BIRC5: variants seen among roughly 807,000 people sequenced by gnomAD.
The protein encoded by BIRC5 is baculoviral IAP repeat-containing protein 5.
Under a neutral mutation model 15.8 loss-of-function variants are expected in BIRC5, and 8 were observed. The ratio of observed to expected loss-of-function variants is 0.51; its 90% CI spans 0.30 to 0.91. The LOEUF (loss-of-function observed/expected upper bound fraction) is 0.91, where lower values mean the gene tolerates loss of function less well. BIRC5 is among the 40% of genes least tolerant of loss of function. BIRC5 has a pLI of 0.07. For synonymous variants in BIRC5, 56 were observed against 64.5 expected, an observed-to-expected ratio of 0.87 and a Z score of 0.63; for missense variants, 163 against 178.6, an observed-to-expected ratio of 0.91 and a Z score of 0.50.
intron 1 of BIRC5, 52 bp from the exon 2 acceptor site, chr17:78,214,628 C>T (rs776366364): frequency 2.7e-5 from 40 of 1,507,372 alleles, no homozygotes; most frequent in Middle Eastern, 2.3e-4. Flanking sequence ...GTGGCTGGGC[C>T]TCGGGGTTCC....
At chr17:78,220,565 G>A (rs2145898915) in intron 3 of BIRC5, among the ~76,000 whole-genome samples, 1 of 152,326 alleles carries the variant, frequency 6.6e-6, no homozygotes, top group African/African-American at 2.4e-5. Context: ...TGGAAAGAGG[G>A]GAGACATTAC....
chr17:78,220,178 C>A (rs17882776), intron 3 of BIRC5, among the ~76,000 whole-genome samples: 3,035 of 152,248 alleles, frequency 0.02, 186 homozygotes, highest in East Asian at 0.15. Flanking sequence ...CCTGTAATCC[C>A]AGCACTTTGG....
intron 3 of BIRC5, among the ~76,000 whole-genome samples, chr17:78,221,298 C>T (rs569730240): frequency 1.3e-5 from 2 of 152,266 alleles, no homozygotes; most frequent in African/African-American, 4.8e-5. Context: ...GTTGCTCAGG[C>T]TGGAGTACAG....
chr17:78,222,719 C>G, intron 3 of BIRC5: 1 of 1,396,210 alleles, frequency 7.2e-7, no homozygotes, highest in Non-Finnish European at 9.5e-7. Context: ...AAATTTAACC[C>G]AATAAAGGTC....
chr17:78,216,861 T>G, intron 3 of BIRC5, 80 bp downstream of exon 3: 13 of 1,080,216 alleles, frequency 1.2e-5, no homozygotes, highest in Non-Finnish European at 1.6e-5. Context: ...AAAGGGACTC[T>G]GTGTTTTCCT....
rs928110233 is a variant in BIRC5, at chr17:78,214,263, A to G, written c.-54A>G. 2.6e-6 allele frequency: 4 copies of G among 1,518,640 alleles called. No individual in the cohort carries two copies. The highest frequency in any genetic ancestry group is 3.6e-6 in the Non-Finnish European group (4 of 1,116,224). The allele number at this position is 1,518,640 out of a possible 1,614,324, so 94.1% of individuals were successfully genotyped here. Reference sequence around the variant, plus strand: ...CTCCCGACATGCCCCGCGGCGCGCCATTAACCGCCAGATTTGAATCGCGGG... The same window carrying G: ...CTCCCGACATGCCCCGCGGCGCGCCGTTAACCGCCAGATTTGAATCGCGGG... On this transcript the variant is annotated 5_prime_UTR_variant, in exon 1 of 4. Coordinates refer to ENST00000350051, the MANE Select transcript of BIRC5 (RefSeq NM_001168.3).
chr17:78,217,168 A>G (rs1348589081), intron 3 of BIRC5, among the ~76,000 whole-genome samples: 5 of 143,786 alleles, frequency 3.5e-5, no homozygotes, highest in East Asian at 2.0e-4. Flanking sequence ...GTGAACCACC[A>G]CGCCTGGCTT....
chr17:78,223,036 G>A, intron 3 of BIRC5: 2 of 1,146,548 alleles, frequency 1.7e-6, no homozygotes, highest in Non-Finnish European at 2.2e-6. Context: ...GACTAGCTGG[G>A]GTGCCTAGAC....
chr17:78,214,912 G>A lies in BIRC5; in HGVS notation c.221+123G>A, dbSNP rs968360761. On this transcript the variant is annotated intron_variant, in intron 2 of 3. Coordinates refer to ENST00000350051, the MANE Select transcript of BIRC5 (RefSeq NM_001168.3). ...CACCCTCATTGCTTCTTAAACAGCT[G>A]TTGTGAACGGATACCTCTCTATATG... 10 of 872,406 alleles carry A rather than the reference G, an allele frequency of 1.1e-5. No individual in the cohort carries two copies. The African/African-American group carries it at 1.2e-4, about 10-fold the overall frequency. The allele number at this position is 872,406 out of a possible 1,614,324, so 54.0% of individuals were successfully genotyped here.
intron 3 of BIRC5, chr17:78,222,887 G>A: frequency 6.5e-7 from 1 of 1,536,024 alleles, no homozygotes; most frequent in South Asian, 1.2e-5. Context: ...GGGACTGGAA[G>A]CAAAAGAATT....
intron 3 of BIRC5, 133 bp from the exon 4 acceptor site, chr17:78,223,332 G>A: frequency 1.2e-6 from 1 of 843,850 alleles, no homozygotes; most frequent in Non-Finnish European, 1.8e-6. Flanking sequence ...CTGGGAATCT[G>A]CCTAGCCCAG....
chr17:78,217,613 C>G (rs2076488457), intron 3 of BIRC5, among the ~76,000 whole-genome samples: 1 of 152,254 alleles, frequency 6.6e-6, no homozygotes, highest in East Asian at 1.9e-4. Context: ...TCTCCTGCCT[C>G]AGCCTCCCGA....
intron 1 of BIRC5, 48 bp downstream of exon 1, chr17:78,214,475 T>C (rs567991073): frequency 6.8e-7 from 1 of 1,472,728 alleles, no homozygotes; most frequent in Non-Finnish European, 9.1e-7. Context: ...CCTTGCCCTG[T>C]CCCTAGCGAG....
Position 78,223,787 on chromosome 17 carries a change from TC to T in BIRC5, c.*234del. The T allele has an allele frequency of 6.4e-6, 6 of 937,984 alleles. No individual in the cohort carries two copies. Among genetic ancestry groups the T allele is most frequent in the East Asian group, 3.0e-5 (1 of 33,578 alleles). The allele number at this position is 937,984 out of a possible 1,614,324, so 58.1% of individuals were successfully genotyped here. ...AACAGTGGCTGCTTCTCTCTCTCTC[TC>T]TCTTTTTTGGGGGCTCATTTTTGCT... On this transcript the variant is annotated 3_prime_UTR_variant, in exon 4 of 4. Coordinates refer to ENST00000350051, the MANE Select transcript of BIRC5 (RefSeq NM_001168.3).
At position 78,214,258 on chromosome 17, in the gene BIRC5, G is replaced by A; in HGVS notation, c.-59G>A. The A allele has an allele frequency of 3.4e-6, 5 of 1,476,516 alleles. No individual in the cohort carries two copies. The highest frequency in any genetic ancestry group is 4.6e-6 in the Non-Finnish European group (5 of 1,083,138). The allele number at this position is 1,476,516 out of a possible 1,614,324, so 91.5% of individuals were successfully genotyped here. A position where few individuals can be genotyped will look rare whatever the true frequency, so the allele number is the denominator to read the frequency against. On this transcript the variant is annotated 5_prime_UTR_variant, in exon 1 of 4. Transcript: ENST00000350051. ...GTGCGCTCCCGACATGCCCCGCGGC[G>A]CGCCATTAACCGCCAGATTTGAATC...
At chr17:78,215,958 C>T (rs2076474440) in intron 2 of BIRC5, 1 of 1,065,890 alleles carries the variant, frequency 9.4e-7, no homozygotes, top group Non-Finnish European at 1.2e-6. Context: ...TGCCCTTAAT[C>T]CTTACAGTGG....
chr17:78,224,671 C>T lies in BIRC5; in HGVS notation c.*1117C>T, dbSNP rs1204719700. 1 of 152,242 alleles carries T rather than the reference C, an allele frequency of 6.6e-6. No individual in the cohort carries two copies. Among genetic ancestry groups the T allele is most frequent in the Non-Finnish European group, 1.5e-5 (1 of 68,050 alleles). 9.4% of individuals were successfully genotyped at this position (152,242 alleles called of 1,614,324 possible). A position where few individuals can be genotyped will look rare whatever the true frequency, so the allele number is the denominator to read the frequency against. On this transcript the variant is annotated 3_prime_UTR_variant, in exon 4 of 4. Transcript: ENST00000350051. ...CCTCTGGAGGTCATCTCGGCTGTTC[C>T]TGAGAAATAAAAAGCCTGTCATTTC...
intron 2 of BIRC5, among the ~76,000 whole-genome samples, chr17:78,215,403 C>T (rs961640577): frequency 1.3e-5 from 2 of 150,066 alleles, no homozygotes; most frequent in South Asian, 2.1e-4. Context: ...GGCGACAGAG[C>T]GAGACTCCGT....
chr17:78,214,670 T>A lies in BIRC5; in HGVS notation c.112-10T>A, dbSNP rs751043509. 1 of 1,594,088 alleles carries A rather than the reference T, an allele frequency of 6.3e-7. No individual in the cohort carries two copies. Among genetic ancestry groups the A allele is most frequent in the South Asian group, 1.1e-5 (1 of 88,338 alleles). On this transcript the variant is annotated splice_polypyrimidine_tract_variant and intron_variant, in intron 1 of 3. Transcript: ENST00000350051. ...CCACGTCCACTCACGAGCTGTGCTG[T>A]CCCTTGCAGATGGCCGAGGCTGGCT...
Sources: gnomAD v4.1 joint callset for allele counts (sites outside exome capture counted in the v4.1 genomes callset) on GRCh38, gnomAD v4.1.1 for gene constraint, MANE v1.5 for transcripts, NCBI Gene and HGNC (gene_info 2026-07-23, HGNC 2026-07-21) for gene names.